Variants in FRYL observed in about 807,000 individuals in gnomAD.
FRYL encodes FRY like transcription coactivator, also known as protein furry homolog-like.
FRYL carries 150 observed loss-of-function variants against 351.2 expected under a neutral mutation model. That is an observed-to-expected ratio of 0.43 (90% CI 0.37 to 0.49). FRYL has a LOEUF of 0.49. FRYL is among the 20% of genes least tolerant of loss of function. FRYL has a pLI of 0.00. For synonymous variants in FRYL, 1,153 were observed against 1,257.1 expected (o/e 0.92, Z 1.75); for missense variants, 3,036 against 3,619.3 (o/e 0.84, Z 4.13).
chr4:48,568,030 C>T lies in FRYL; in HGVS notation c.2997-610G>A, dbSNP rs140666346. Among the ~76,000 whole-genome samples the T allele has an allele frequency of 5.2e-3, 789 of 152,302 alleles. 7 individuals are homozygous for T. Among genetic ancestry groups the T allele is most frequent in the African/African-American group, 0.018 (765 of 41,574 alleles). Reference sequence around the variant, plus strand: ...CCTGTAATGCCAGCACTTTGGGAAGCCAAGGTGGGTGGATCACTGAGTCCA... The same window carrying T: ...CCTGTAATGCCAGCACTTTGGGAAGTCAAGGTGGGTGGATCACTGAGTCCA... On this transcript the variant is annotated intron_variant, in intron 27 of 63. Coordinates refer to ENST00000358350, the MANE Select transcript of FRYL (RefSeq NM_015030.2).
rs1236377083 is a variant in FRYL, at chr4:48,565,630, G to A, written c.3231C>T (p.Phe1077=). Reference sequence around the variant, plus strand: ...TGCTAAAAGGACCTGCCCAGTGACTGAACAGCATAAATAGACTGTGACGAA... The same window carrying A: ...TGCTAAAAGGACCTGCCCAGTGACTAAACAGCATAAATAGACTGTGACGAA... The part of the protein sequence containing the change: ...QSLRHSLFML[F]SHWAGPFSIM... The change falls in exon 29 of 64, where the codon TTC becomes TTT. Residue 1077 remains phenylalanine (F), a synonymous_variant. Transcript: ENST00000358350. The A allele has an allele frequency of 3.7e-6, 6 of 1,613,832 alleles. No individual in the cohort carries two copies. Among genetic ancestry groups the A allele is most frequent in the Non-Finnish European group, 4.2e-6 (5 of 1,179,872 alleles).
At chr4:48,743,405 T>C (rs1157065806) in intron 1 of FRYL, among the ~76,000 whole-genome samples, 2 of 152,080 alleles carry the variant, frequency 1.3e-5, no homozygotes, top group Admixed American at 6.6e-5. Flanking sequence ...AGCTTCCATA[T>C]AATAATTCAA....
chr4:48,708,250 G>A (rs185603880), intron 2 of FRYL, among the ~76,000 whole-genome samples: 2,301 of 151,722 alleles, frequency 0.015, 65 homozygotes, highest in African/African-American at 0.052. Context: ...CTGCACTCCA[G>A]CCTGGACAAC....
chr4:48,744,406 T>C (rs774923432), intron 1 of FRYL, among the ~76,000 whole-genome samples: 4 of 152,142 alleles, frequency 2.6e-5, no homozygotes, highest in Non-Finnish European at 5.9e-5. Flanking sequence ...ACAGGCATTA[T>C]AAATGACAAG....
chr4:48,662,479 G>C (rs545560430), intron 3 of FRYL, among the ~76,000 whole-genome samples: 2 of 151,544 alleles, frequency 1.3e-5, no homozygotes, highest in African/African-American at 4.8e-5. Context: ...AATATTATTC[G>C]AAAAAATAAT....
chr4:48,603,425 A>G, intron 11 of FRYL, 37 bp from the exon 12 acceptor site: 1 of 1,258,914 alleles, frequency 7.9e-7, no homozygotes, highest in Non-Finnish European at 1.2e-6. Context: ...AAAATGATAC[A>G]GATGTTAGAT....
In FRYL at chr4:48,535,689, T is replaced by C. The variant is rs76976301; in HGVS notation, c.6532A>G (p.Thr2178Ala). Residue 2178 changes from threonine to alanine, a missense_variant, in exon 48 of 64, where the codon ACA becomes GCA. Transcript: ENST00000358350. ...CRYLHDSFSD[T>A]TFNLVTYLAE... ...AGATAAGTCACAAGATTAAATGTTG[T>C]ATCTGAGAAGGAGTCATGCAGGTAT... 1,341 of 1,590,248 alleles carry C rather than the reference T, an allele frequency of 8.4e-4. 10 individuals carry two copies. In the African/African-American group the frequency reaches 0.017, roughly 20 times the overall value.
intron 14 of FRYL, 54 bp downstream of exon 14, chr4:48,595,843 T>C (rs1399162654): frequency 2.4e-6 from 3 of 1,272,176 alleles, no homozygotes; most frequent in Admixed American, 4.7e-5. Context: ...CAATAGTGTG[T>C]TTTTTTAAAA....
At chr4:48,574,997 G>A in intron 25 of FRYL, 120 bp downstream of exon 25, 1 of 740,010 alleles carries the variant, frequency 1.4e-6, no homozygotes. Context: ...TGAAAGTCAG[G>A]CCTGGTATGC....
intron 9 of FRYL, among the ~76,000 whole-genome samples, chr4:48,607,675 A>T: frequency 6.6e-6 from 1 of 152,162 alleles, no homozygotes; most frequent in Admixed American, 6.5e-5. Context: ...CTATCAGCCT[A>T]ACTCAAAGTG....
chr4:48,712,938 G>A (rs1227440800), intron 1 of FRYL, among the ~76,000 whole-genome samples: 1 of 152,116 alleles, frequency 6.6e-6, no homozygotes, highest in African/African-American at 2.4e-5. Flanking sequence ...CATTTTTAAA[G>A]AAAAGAATTT....
intron 1 of FRYL, among the ~76,000 whole-genome samples, chr4:48,766,933 T>C (rs1219872834): frequency 6.7e-6 from 1 of 149,766 alleles, no homozygotes; most frequent in Non-Finnish European, 1.5e-5. Flanking sequence ...ATTAAAATTA[T>C]GAATTTTGAT....
At chr4:48,514,331 AAC>A (rs1723094395) in intron 56 of FRYL, among the ~76,000 whole-genome samples, 1 of 152,178 alleles carries the variant, frequency 6.6e-6, no homozygotes, top group South Asian at 2.1e-4. Context: ...GTGAAATTTA[AAC>A]AGTGGATATT....
At chr4:48,772,083 C>T (rs987758978) in intron 1 of FRYL, among the ~76,000 whole-genome samples, 10 of 152,074 alleles carry the variant, frequency 6.6e-5, no homozygotes, top group Admixed American at 2.0e-4. Context: ...CCCAGACATA[C>T]GAATGTCACT....
At chr4:48,539,592 C>T (rs1729670789) in intron 47 of FRYL, among the ~76,000 whole-genome samples, 2 of 150,728 alleles carry the variant, frequency 1.3e-5, no homozygotes, top group African/African-American at 4.9e-5. Flanking sequence ...TCACTGCATT[C>T]CCCATGATAA....
chr4:48,673,119 C>T (rs1266728311), intron 3 of FRYL, among the ~76,000 whole-genome samples: 4 of 152,154 alleles, frequency 2.6e-5, no homozygotes, highest in Non-Finnish European at 4.4e-5. Flanking sequence ...GCCATTAACA[C>T]TTTGTAATGA....
intron 7 of FRYL, among the ~76,000 whole-genome samples, chr4:48,610,288 G>A (rs376343975): frequency 2.0e-4 from 31 of 152,010 alleles, no homozygotes; most frequent in African/African-American, 5.5e-4. Context: ...TTAAAAACCC[G>A]ACATTTAAAT....
intron 59 of FRYL, 71 bp from the exon 60 acceptor site, chr4:48,505,686 A>C: frequency 2.2e-6 from 2 of 905,592 alleles, no homozygotes; most frequent in South Asian, 3.0e-5. Flanking sequence ...TCCATATACA[A>C]CACCAAACTT....
chr4:48,600,687 C>T (rs942631301), intron 13 of FRYL, among the ~76,000 whole-genome samples: 2 of 152,046 alleles, frequency 1.3e-5, no homozygotes, highest in East Asian at 3.8e-4. Flanking sequence ...CATTTAAATG[C>T]ATATCTTAAA....
Sources: allele counts gnomAD v4.1 joint callset (sites outside exome capture counted in the v4.1 genomes callset), GRCh38; gene constraint gnomAD v4.1.1; transcripts MANE v1.5; gene names NCBI Gene and HGNC (gene_info 2026-07-23, HGNC 2026-07-21).